The following SLC35D1 variants were observed in gnomAD, a reference collection of about 807,000 sequenced individuals.
SLC35D1 encodes solute carrier family 35 member D1.
In SLC35D1, 31 loss-of-function variants were observed where a neutral mutation model predicts 46.7. The observed-to-expected ratio is 0.66, with a 90% CI of 0.50 to 0.90. The LOEUF is 0.90. SLC35D1 is among the 40% of genes least tolerant of loss of function. The probability of loss-of-function intolerance (pLI) is 0.00; values close to 1 mark genes in which losing one functional copy is unlikely to be tolerated. For missense variants in SLC35D1, 397 were observed against 426.2 expected (o/e 0.93, Z 0.60); for synonymous variants, 195 against 164.6 (o/e 1.18, Z -1.41).
chr1:66,978,039 A>C, the SLC35D1 span, among the ~76,000 whole-genome samples: 3 of 152,024 alleles, frequency 2.0e-5, no homozygotes, highest in Non-Finnish European at 4.4e-5. Flanking sequence ...TCTACTAAAA[A>C]TACAAAAATT....
intron 10 of SLC35D1, among the ~76,000 whole-genome samples, chr1:67,018,784 A>G (rs1030812093): frequency 1.3e-5 from 2 of 152,186 alleles, no homozygotes; most frequent in Admixed American, 6.5e-5. Flanking sequence ...TGGCTGAGCT[A>G]AATGGGTTAT....
chr1:66,982,347 A>G, the SLC35D1 span, among the ~76,000 whole-genome samples: 65 of 152,358 alleles, frequency 4.3e-4, no homozygotes, highest in Admixed American at 2.4e-3. Flanking sequence ...CTTTGATAGC[A>G]TAATAACCTT....
chr1:66,997,030 A>G (rs1217114202), downstream of SLC35D1, among the ~76,000 whole-genome samples: 1 of 152,218 alleles, frequency 6.6e-6, no homozygotes, highest in African/African-American at 2.4e-5. Context: ...ACGTAAAATT[A>G]TAAAACTCAC....
At chr1:67,030,391 A>T (rs780393159) in intron 8 of SLC35D1, among the ~76,000 whole-genome samples, 8 of 152,192 alleles carry the variant, frequency 5.3e-5, no homozygotes, top group Non-Finnish European at 1.2e-4. Context: ...TTAAGAATAC[A>T]GAATAAGTTG....
the SLC35D1 span, among the ~76,000 whole-genome samples, chr1:66,977,392 G>C: frequency 6.6e-6 from 1 of 152,152 alleles, no homozygotes; most frequent in Non-Finnish European, 1.5e-5. Context: ...TTACAGGAGT[G>C]AGCCACTGTA....
intron 8 of SLC35D1, among the ~76,000 whole-genome samples, chr1:67,036,621 A>G (rs866987114): frequency 1.3e-4 from 20 of 151,596 alleles, no homozygotes; most frequent in African/African-American, 4.8e-4. Context: ...CTCCATTGGC[A>G]TGTAATATAT....
intron 10 of SLC35D1, among the ~76,000 whole-genome samples, chr1:67,013,007 A>G (rs993761167): frequency 1.1e-4 from 17 of 151,868 alleles, no homozygotes; most frequent in African/African-American, 4.1e-4. Context: ...TCAAAAGGCA[A>G]AAATATCATC....
In SLC35D1 at chr1:67,016,967, A is replaced by T. The variant is rs79866539; in HGVS notation, c.876+3402T>A. On this transcript the variant is annotated intron_variant, in intron 10 of 11. Transcript: ENST00000235345. The stretch of plus-strand genomic sequence containing the variant: ...AAAAATGTAACTTTCTGACAGACCA[A>T]GGGACCTCGAGTTATTTTATGATAT... Among the ~76,000 whole-genome samples, 853 of 152,302 alleles carry T rather than the reference A, an allele frequency of 5.6e-3. 2 individuals carry two copies. The highest frequency in any genetic ancestry group is 0.027 in the South Asian group (132 of 4,834).
At chr1:66,983,933 C>T in the SLC35D1 span, among the ~76,000 whole-genome samples, 1 of 152,198 alleles carries the variant, frequency 6.6e-6, no homozygotes. Flanking sequence ...ACCCTATTGG[C>T]CAGGCTGGTC....
Position 67,042,322 on chromosome 1 carries a change from C to T in SLC35D1, c.643G>A (p.Gly215Arg). The T allele has an allele frequency of 6.2e-7, 1 of 1,614,032 alleles. No homozygotes were observed. Among genetic ancestry groups the T allele is most frequent in the Non-Finnish European group, 8.5e-7 (1 of 1,179,948 alleles). Reference sequence around the variant, plus strand: ...TTGTAATAGAGCAGTCCATATTTTCCCAGCTCCTAGGACAGTAAATAATTA... The same window carrying T: ...TTGTAATAGAGCAGTCCATATTTTCTCAGCTCCTAGGACAGTAAATAATTA... ...VKQKLDSKEL[G>R]KYGLLYYNAL... The change falls in exon 8 of 12, where the codon GGA becomes AGA. Residue 215 changes from glycine (G) to arginine (R), a missense_variant. Coordinates refer to ENST00000235345, the MANE Select transcript of SLC35D1 (RefSeq NM_015139.3).
intron 9 of SLC35D1, 124 bp downstream of exon 9, chr1:67,021,411 G>A (rs1398627730): frequency 5.1e-6 from 5 of 987,232 alleles, no homozygotes; most frequent in Non-Finnish European, 8.1e-6. Flanking sequence ...CCTGAATCTG[G>A]AGGCTTAATT....
chr1:67,048,792 T>C (rs1255066974), intron 6 of SLC35D1, among the ~76,000 whole-genome samples: 1 of 152,228 alleles, frequency 6.6e-6, no homozygotes, highest in Non-Finnish European at 1.5e-5. Context: ...ATTTTCCTCA[T>C]GTATTTTAAA....
chr1:66,984,883 G>A, the SLC35D1 span: 2 of 1,591,146 alleles, frequency 1.3e-6, no homozygotes, highest in African/African-American at 2.7e-5. Context: ...TGAAGAACTT[G>A]AAAACACAGA....
downstream of SLC35D1, among the ~76,000 whole-genome samples, chr1:66,997,024 A>G (rs1056002902): frequency 1.3e-5 from 2 of 152,184 alleles, no homozygotes; most frequent in Admixed American, 6.5e-5. Context: ...TTTAAGACGT[A>G]AAATTATAAA....
intron 8 of SLC35D1, among the ~76,000 whole-genome samples, chr1:67,041,914 G>A (rs1645192029): frequency 6.6e-6 from 1 of 152,154 alleles, no homozygotes; most frequent in South Asian, 2.1e-4. Flanking sequence ...CTCAAGGATA[G>A]TTTACTACTA....
intron 8 of SLC35D1, among the ~76,000 whole-genome samples, chr1:67,038,850 CACAA>C (rs912196532): frequency 2.2e-4 from 34 of 151,780 alleles, no homozygotes; most frequent in South Asian, 2.1e-4. Context: ...CACACACACA[CACAA>C]ACACACACAC....
At chr1:67,033,781 T>A (rs1160991618) in intron 8 of SLC35D1, among the ~76,000 whole-genome samples, 1 of 152,048 alleles carries the variant, frequency 6.6e-6, no homozygotes, top group Non-Finnish European at 1.5e-5. Flanking sequence ...TGCTGGAGAG[T>A]TTCCCCAATA....
downstream of SLC35D1, among the ~76,000 whole-genome samples, chr1:66,996,163 G>A (rs1036182839): frequency 6.6e-6 from 1 of 152,164 alleles, no homozygotes; most frequent in Non-Finnish European, 1.5e-5. Flanking sequence ...CACATAGTCG[G>A]CCCTCAGTAA....
At chr1:66,977,429 A>G in the SLC35D1 span, among the ~76,000 whole-genome samples, 4 of 151,948 alleles carry the variant, frequency 2.6e-5, no homozygotes, top group African/African-American at 4.8e-5. Context: ...TTTATAGAGG[A>G]AAAAAAACAT....
Sources: gnomAD v4.1 joint callset for allele counts (sites outside exome capture counted in the v4.1 genomes callset) on GRCh38, gnomAD v4.1.1 for gene constraint, MANE v1.5 for transcripts, NCBI Gene and HGNC (gene_info 2026-07-23, HGNC 2026-07-21) for gene names.